LIMD1: variants seen among roughly 807,000 people sequenced by gnomAD.
The protein encoded by LIMD1 is LIM domain-containing protein 1.
LIMD1 carries 23 observed loss-of-function variants against 58.4 expected under a neutral mutation model. The ratio of observed to expected loss-of-function variants is 0.39; its 90% CI spans 0.28 to 0.56. The LOEUF (loss-of-function observed/expected upper bound fraction) is 0.56, where lower values mean the gene tolerates loss of function less well. Ranked by LOEUF, LIMD1 falls within the 20% of genes least tolerant of loss-of-function variation. The pLI is 0.57. For missense variants in LIMD1, 838 were observed against 855.5 expected (o/e 0.98, Z 0.25); for synonymous variants, 334 against 345.5 (o/e 0.97, Z 0.37).
chr3:45,639,888 C>A (rs1701825166), intron 2 of LIMD1, among the ~76,000 whole-genome samples: 1 of 152,194 alleles, frequency 6.6e-6, no homozygotes, highest in Non-Finnish European at 1.5e-5. Context: ...GTCTCGAAGT[C>A]CTGACCTCAG....
intron 2 of LIMD1, among the ~76,000 whole-genome samples, chr3:45,655,060 C>G (rs928565619): frequency 7.9e-5 from 12 of 151,870 alleles, no homozygotes; most frequent in South Asian, 2.1e-4. Context: ...GCTGGGATTA[C>G]AGGCTCACGC....
chr3:45,601,955 T>C (rs965485487), intron 1 of LIMD1, among the ~76,000 whole-genome samples: 1 of 151,574 alleles, frequency 6.6e-6, no homozygotes, highest in African/African-American at 2.4e-5. Flanking sequence ...TTTTTTTTTT[T>C]TTTTTGAGAC....
chr3:45,636,166 C>T lies in LIMD1; in HGVS notation c.1425C>T (p.Cys475=). 1 of 1,612,540 alleles carries T rather than the reference C, an allele frequency of 6.2e-7. No individual in the cohort carries two copies. The highest frequency in any genetic ancestry group is 1.1e-5 in the South Asian group (1 of 90,830). ...TCCTGCAAGGAGCCTGTGTGAAATG[C>T]AGCAAAGGGGTGTTTGGGGCTGGCC... The part of the protein sequence containing the change: ...KADYFGACVK[C]SKGVFGAGQA... The change falls in exon 2 of 8, where the codon TGC becomes TGT. Residue 475 remains cysteine, a synonymous_variant. Transcript: ENST00000273317.
chr3:45,636,133 TTC>T lies in LIMD1; in HGVS notation c.1409-13_1409-12del, dbSNP rs753388238. The stretch of plus-strand genomic sequence containing the variant: ...TGGTTCCCTCCTGACTCACTGATGT[TTC>T]TCTTGTCCTGCAAGGAGCCTGTGTG... On this transcript the variant is annotated splice_polypyrimidine_tract_variant and intron_variant, in intron 1 of 7. Transcript: ENST00000273317. The T allele has an allele frequency of 1.2e-6, 2 of 1,612,170 alleles. No individual in the cohort carries two copies. The highest frequency in any genetic ancestry group is 1.7e-6 in the Non-Finnish European group (2 of 1,178,708).
At chr3:45,619,802 AAATT>A (rs1001489186) in intron 1 of LIMD1, among the ~76,000 whole-genome samples, 1 of 151,152 alleles carries the variant, frequency 6.6e-6, no homozygotes, top group Non-Finnish European at 1.5e-5. Context: ...CCATCTAAAA[AAATT>A]AATAATAATA....
chr3:45,675,893 T>A (rs59567767), intron 7 of LIMD1, among the ~76,000 whole-genome samples: 1 of 152,148 alleles, frequency 6.6e-6, no homozygotes, highest in Non-Finnish European at 1.5e-5. Flanking sequence ...TCTCAGCTAC[T>A]TAGGAAGCTA....
At position 45,679,839 on chromosome 3, in the gene LIMD1, C is replaced by T. The variant is rs888178671; in HGVS notation, c.*2780C>T. 6.6e-6 allele frequency: 1 copy of T among 152,234 alleles called. No homozygotes were observed. Among genetic ancestry groups the T allele is most frequent in the Non-Finnish European group, 1.5e-5 (1 of 68,062 alleles). 9.4% of individuals were successfully genotyped at this position (152,234 alleles called of 1,614,324 possible). ...TCTCTCTCTCACTGATGTTATTCCC[C>T]CATCTGCCGTCTTGGTTCATCTCAC... On this transcript the variant is annotated 3_prime_UTR_variant, in exon 8 of 8. Coordinates refer to ENST00000273317, the MANE Select transcript of LIMD1 (RefSeq NM_014240.3).
chr3:45,669,990 C>T (rs58213273), intron 4 of LIMD1, among the ~76,000 whole-genome samples: 3,576 of 152,282 alleles, frequency 0.023, 140 homozygotes, highest in African/African-American at 0.08. Flanking sequence ...TATCTGCTAT[C>T]TCCCAGGCTT....
chr3:45,620,890 T>G (rs1014033677), intron 1 of LIMD1, among the ~76,000 whole-genome samples: 1 of 152,194 alleles, frequency 6.6e-6, no homozygotes, highest in Non-Finnish European at 1.5e-5. Flanking sequence ...AACTAAGTGA[T>G]CAAGTTAACA....
chr3:45,603,524 A>C (rs990629278), intron 1 of LIMD1, among the ~76,000 whole-genome samples: 1 of 152,122 alleles, frequency 6.6e-6, no homozygotes, highest in African/African-American at 2.4e-5. Flanking sequence ...AGCCGAATCC[A>C]GGTTTCCATT....
At chr3:45,635,732 CA>C (rs71095045) in intron 1 of LIMD1, among the ~76,000 whole-genome samples, 1,538 of 73,680 alleles carry the variant, frequency 0.021, 5 homozygotes, top group African/African-American at 0.075. Context: ...ATCCCCGTCT[CA>C]AAAAAAAAAA....
intron 2 of LIMD1, among the ~76,000 whole-genome samples, chr3:45,662,276 A>AGAGTGTGTGT (rs1553646360): frequency 1.8e-5 from 2 of 111,508 alleles, no homozygotes; most frequent in Non-Finnish European, 4.7e-5. Flanking sequence ...GTTTCACCTA[A>AGAGTGTGTGT]GTGTGTGTGT....
In LIMD1 at chr3:45,596,237, C is replaced by T. The variant is rs1408724903; in HGVS notation, c.1358C>T (p.Thr453Ile). 1 of 1,612,486 alleles carries T rather than the reference C, an allele frequency of 6.2e-7. No homozygotes were observed. ...SAAELKLEALTQRLEREMDAH... is the reference protein window; with the variant it reads ...SAAELKLEALIQRLEREMDAH... Reference sequence around the variant, plus strand: ...GCTGAGTTGAAATTAGAAGCCCTCACCCAACGTCTGGAGCGAGAGATGGAT... The same window carrying T: ...GCTGAGTTGAAATTAGAAGCCCTCATCCAACGTCTGGAGCGAGAGATGGAT... The change falls in exon 1 of 8, where the codon ACC becomes ATC. Residue 453 changes from threonine (T) to isoleucine (I), a missense_variant. Thr to Ile is a moderately conservative substitution (Grantham distance 89, BLOSUM62 -1). Transcript: ENST00000273317.
Position 45,595,988 on chromosome 3 carries a change from C to T in LIMD1, c.1109C>T (p.Pro370Leu), listed in dbSNP as rs765330772. The change falls in exon 1 of 8, where the codon CCG becomes CTG. Residue 370 changes from proline to leucine, a missense_variant. This residue lies in a region of LIMD1 where 659 missense variants were observed against 639.8 expected (regional missense o/e 1.03). Transcript: ENST00000273317. ...SQQGAVPGLGPKPGCTDLGTG... is the reference protein window; with the variant it reads ...SQQGAVPGLGLKPGCTDLGTG... ...CAGGGTGCGGTCCCTGGGCTGGGGC[C>T]GAAGCCTGGCTGCACAGACCTTGGC... is the stretch of plus-strand genomic sequence containing the variant. 2.6e-5 allele frequency: 42 copies of T among 1,614,192 alleles called. No homozygotes were observed. The highest frequency in any genetic ancestry group is 6.7e-5 in the East Asian group (3 of 44,888).
intron 1 of LIMD1, among the ~76,000 whole-genome samples, chr3:45,596,549 G>GC (rs1380650002): frequency 1.3e-5 from 2 of 152,176 alleles, no homozygotes; most frequent in African/African-American, 4.8e-5. Flanking sequence ...GCTCATGACT[G>GC]CTCTCAGAAA....
chr3:45,652,245 C>G (rs191791599), intron 2 of LIMD1, among the ~76,000 whole-genome samples: 1 of 152,288 alleles, frequency 6.6e-6, no homozygotes, highest in East Asian at 1.9e-4. Flanking sequence ...TATTGTTTAT[C>G]TCAGACATTT....
chr3:45,666,458 C>T (rs544913410), intron 3 of LIMD1, among the ~76,000 whole-genome samples: 2 of 152,308 alleles, frequency 1.3e-5, no homozygotes, highest in African/African-American at 4.8e-5. Flanking sequence ...GTACAAAGCA[C>T]ACTCAGAAGC....
In LIMD1 at chr3:45,677,756, G is replaced by C. The variant is rs971457964; in HGVS notation, c.*697G>C. On this transcript the variant is annotated 3_prime_UTR_variant, in exon 8 of 8. Transcript: ENST00000273317. ...TCCTTACTCTCCTAAAGGCAGCTGA[G>C]TCCGCGACAGAAATTTGCCCTATGT... 6.6e-6 allele frequency: 1 copy of C among 152,186 alleles called. No homozygotes were observed. The highest frequency in any genetic ancestry group is 1.5e-5 in the Non-Finnish European group (1 of 68,032). 9.4% of individuals were successfully genotyped at this position (152,186 alleles called of 1,614,324 possible). A position where few individuals can be genotyped will look rare whatever the true frequency, so the allele number is the denominator to read the frequency against.
intron 2 of LIMD1, among the ~76,000 whole-genome samples, chr3:45,654,526 G>A (rs1288872204): frequency 6.6e-6 from 1 of 152,018 alleles, no homozygotes; most frequent in Non-Finnish European, 1.5e-5. Context: ...TGGCTTGAAG[G>A]CAAATATAAA....
Sources: allele counts gnomAD v4.1 joint callset (sites outside exome capture counted in the v4.1 genomes callset), GRCh38; gene constraint gnomAD v4.1.1; regional missense constraint gnomAD v4.1.1; transcripts MANE v1.5; gene names NCBI Gene and HGNC (gene_info 2026-07-23, HGNC 2026-07-21).